The following ITFG2 variants were observed in gnomAD, a reference collection of about 807,000 sequenced individuals.
The protein encoded by ITFG2 is KICSTOR complex protein ITFG2.
Under a neutral mutation model 54.4 loss-of-function variants are expected in ITFG2, and 36 were observed. The observed-to-expected ratio is 0.66, with a 90% confidence interval of 0.51 to 0.87. ITFG2 has a LOEUF of 0.87. ITFG2 is among the 40% of genes least tolerant of loss of function. The probability of loss-of-function intolerance (pLI) is 0.00; values close to 1 mark genes in which losing one functional copy is unlikely to be tolerated. For synonymous variants in ITFG2, 211 were observed against 225.4 expected (o/e 0.94, Z 0.57); for missense variants, 524 against 576.7 (o/e 0.91, Z 0.94).
rs2098052126 is a variant in ITFG2 at position 2,845,900 on chromosome 12, CTG to C, written n.300+4907_300+4908del. 6.6e-6 allele frequency among the ~76,000 whole-genome samples: 1 copy of C among 152,056 alleles called. No homozygotes were observed. Among genetic ancestry groups the C allele is most frequent in the Non-Finnish European group, 1.5e-5 (1 of 68,020 alleles). ...TTTTTTTTGTTGAGTTAGGGTCTCA[CTG>C]TATTCCCCAGGCTGGTCTGAAACTC... is the stretch of plus-strand genomic sequence containing the variant. On this transcript the variant is annotated intron_variant and non_coding_transcript_variant, in intron 2 of 3. Coordinates refer to the ITFG2 transcript ENST00000537710. This position sits in a 1 kb window ranked among gnomAD's most constrained non-coding sequence, Gnocchi z 4.2.
chr12:2,817,750 A>G (rs1167568511), intron 2 of ITFG2, 159 bp from the exon 3 acceptor site: 3 of 662,788 alleles, frequency 4.5e-6, no homozygotes, highest in Non-Finnish European at 5.0e-6. Flanking sequence ...CCTACAGCAC[A>G]GTAACGCCGT....
rs541176538 is a variant in ITFG2, at chr12:2,852,455, C to A, written n.301-5557C>A. Among the ~76,000 whole-genome samples, 7 of 152,276 alleles carry A rather than the reference C, an allele frequency of 4.6e-5. No homozygotes were observed. The South Asian group carries it at 1.5e-3, about 32-fold the overall frequency. On this transcript the variant is annotated intron_variant and non_coding_transcript_variant, in intron 2 of 3. Coordinates refer to the ITFG2 transcript ENST00000537710. The stretch of plus-strand genomic sequence containing the variant: ...AGTGATGGCTAACTGCAGCCTCGAC[C>A]TCCTGGGCTCAGACAGTCCTCCCAC...
chr12:2,821,719 A>G lies in ITFG2; in HGVS notation c.875A>G (p.Glu292Gly), dbSNP rs2097945463. ...DGTLKLMEEM[E>G]EADKLLWSVQ... The stretch of plus-strand genomic sequence containing the variant: ...ACACTGAAGCTCATGGAAGAAATGG[A>G]AGAAGCAGACAAGCTGCTGTGGTCA... The change falls in exon 9 of 12, where the codon GAA becomes GGA. Residue 292 changes from glutamate (E) to glycine (G), a missense_variant. By Grantham distance (98) the Glu-to-Gly change is moderately conservative. Coordinates refer to ENST00000228799, the MANE Select transcript of ITFG2 (RefSeq NM_018463.4). 1.2e-6 allele frequency: 2 copies of G among 1,614,016 alleles called. No individual in the cohort carries two copies. Among genetic ancestry groups the G allele is most frequent in the Non-Finnish European group, 8.5e-7 (1 of 1,180,024 alleles).
intron 2 of ITFG2, among the ~76,000 whole-genome samples, chr12:2,852,328 A>G (rs2098073660): frequency 3.3e-5 from 5 of 152,052 alleles, no homozygotes; most frequent in Admixed American, 3.3e-4. Flanking sequence ...GCCCTGTGCC[A>G]TTTGACCCTC....
In ITFG2 at chr12:2,812,818, C is replaced by T; in HGVS notation, c.58C>T (p.Pro20Ser). ...VALEFSGSLF[P>S]HAICLGDVDN... is the part of the protein sequence containing the mutation. ...GCTGGAGTTCAGCGGGAGCCTCTTC[C>T]CGCACGCAATCTGCCTCGGAGACGT... The change falls in exon 1 of 12, where the codon CCG (proline) becomes TCG (serine). Residue 20 changes from proline (P) to serine (S), a missense_variant. Coordinates refer to ENST00000228799, the MANE Select transcript of ITFG2 (RefSeq NM_018463.4). 1.2e-6 allele frequency: 2 copies of T among 1,613,178 alleles called. No individual in the cohort carries two copies. The highest frequency in any genetic ancestry group is 1.3e-5 in the African/African-American group (1 of 75,068).
intron 1 of ITFG2, among the ~76,000 whole-genome samples, chr12:2,840,455 C>CAA (rs34247255): frequency 0.021 from 2,479 of 118,700 alleles, 69 homozygotes; most frequent in African/African-American, 0.068. Context: ...GACTCTGTCT[C>CAA]AAAAAAAAAA....
At chr12:2,850,742 G>C (rs2098067675) in intron 2 of ITFG2, among the ~76,000 whole-genome samples, 1 of 151,240 alleles carries the variant, frequency 6.6e-6, no homozygotes, top group Admixed American at 6.6e-5. Flanking sequence ...GCACGATCTT[G>C]GCTCACTGCA....
chr12:2,832,855 T>G (rs2098010474), upstream of ITFG2, among the ~76,000 whole-genome samples: 1 of 150,994 alleles, frequency 6.6e-6, no homozygotes, highest in South Asian at 2.1e-4. Context: ...TTTTCTACCC[T>G]TAGATTAATG....
In ITFG2 at chr12:2,823,948, G is replaced by C. The variant is rs372013164; in HGVS notation, c.1240+5G>C. ...TGCTGCAGGAGCTGGGCGTGGGTGAGTCCCAGAAAAGCCAGTGGCCCGAGT... is the reference window on the plus strand; with the variant it reads ...TGCTGCAGGAGCTGGGCGTGGGTGACTCCCAGAAAAGCCAGTGGCCCGAGT... On this transcript the variant is annotated splice_donor_5th_base_variant and intron_variant, in intron 11 of 11. Transcript: ENST00000228799. The C allele has an allele frequency of 3.1e-6, 5 of 1,612,522 alleles. No homozygotes were observed. In the African/African-American group the frequency reaches 6.7e-5, roughly 22 times the overall value.
At chr12:2,828,548 C>A, downstream of ITFG2, 2 of 744,430 alleles carry the variant, frequency 2.7e-6, no homozygotes, top group Non-Finnish European at 2.2e-6. Context: ...TTAAAACTGG[C>A]TTTTATCGGG....
At chr12:2,831,468 C>G (rs2098002471), downstream of ITFG2, among the ~76,000 whole-genome samples, 3 of 151,960 alleles carry the variant, frequency 2.0e-5, no homozygotes, top group South Asian at 6.2e-4. Context: ...CCTGTAGTCC[C>G]AGCTACTCGG....
At chr12:2,827,241 G>A (rs1439832759), downstream of ITFG2, 1 of 1,614,130 alleles carries the variant, frequency 6.2e-7, no homozygotes, top group Non-Finnish European at 8.5e-7. The surrounding 1 kb of genome is among the most constrained non-coding windows in gnomAD (Gnocchi z 4.0). Context: ...AGGCAGGAAG[G>A]GTAGCTCTGA....
At chr12:2,852,683 G>T (rs910614736) in intron 2 of ITFG2, among the ~76,000 whole-genome samples, 3 of 152,074 alleles carry the variant, frequency 2.0e-5, no homozygotes, top group African/African-American at 7.2e-5. Context: ...TACTTGACCT[G>T]TCCAGCTCAG....
At chr12:2,828,387 C>T (rs560736500), downstream of ITFG2, 87 of 1,613,942 alleles carry the variant, frequency 5.4e-5, no homozygotes, top group Admixed American at 1.1e-3. Flanking sequence ...CCTGTGTCAA[C>T]GGCCACTCTA....
exon 4 of ITFG2, chr12:2,859,720 A>G: frequency 7.7e-7 from 1 of 1,292,490 alleles, no homozygotes; most frequent in Non-Finnish European, 1.1e-6. Flanking sequence ...ACGCACAAAA[A>G]TATCACATAC....
intron 10 of ITFG2, among the ~76,000 whole-genome samples, chr12:2,823,177 G>A (rs1400447177): frequency 1.3e-5 from 2 of 152,134 alleles, no homozygotes; most frequent in Non-Finnish European, 2.9e-5. Flanking sequence ...TAAATAAGAA[G>A]AAATAAAAGA....
chr12:2,855,493 G>A lies in ITFG2; in HGVS notation n.301-2519G>A, dbSNP rs1024375713. On this transcript the variant is annotated intron_variant and non_coding_transcript_variant, in intron 2 of 3. Transcript: ENST00000537710. ...CCTGGGGAAGGTTGTGCAGACAGGG[G>A]TGCAGAAAGGTGGGTGAGGCACTCC... 3.0e-6 allele frequency: 4 copies of A among 1,349,416 alleles called. No individual in the cohort carries two copies. The South Asian group carries it at 5.5e-5, about 18-fold the overall frequency. 83.6% of individuals were successfully genotyped at this position (1,349,416 alleles called of 1,614,324 possible).
chr12:2,820,055 C>G, intron 4 of ITFG2, 31 bp from the exon 5 acceptor site: 2 of 1,584,324 alleles, frequency 1.3e-6, no homozygotes, highest in Non-Finnish European at 1.7e-6. Flanking sequence ...TCGTGGGACT[C>G]CAGAGCCCAT....
At position 2,849,653 on chromosome 12, in the gene ITFG2, C is replaced by T; in HGVS notation, n.301-8359C>T. ...AGTTAGCCATCAGGCGGCAGGGAAT[C>T]CCTTCTGTCTCTCCACCTAATCGGA... On this transcript the variant is annotated intron_variant and non_coding_transcript_variant, in intron 2 of 3. Coordinates refer to the ITFG2 transcript ENST00000537710. 5 of 1,034,298 alleles carry T rather than the reference C, an allele frequency of 4.8e-6. No homozygotes were observed. The South Asian group carries it at 7.8e-5, about 16-fold the overall frequency. The allele number at this position is 1,034,298 out of a possible 1,614,324, so 64.1% of individuals were successfully genotyped here.
Sources: gnomAD v4.1 joint callset for allele counts (sites outside exome capture counted in the v4.1 genomes callset) on GRCh38, gnomAD v4.1.1 for gene constraint, Gnocchi (gnomAD v3.1) non-coding constraint, MANE v1.5 for transcripts, NCBI Gene and HGNC (gene_info 2026-07-23, HGNC 2026-07-21) for gene names.